OTC: variants seen among roughly 807,000 people sequenced by gnomAD.
The protein encoded by OTC is ornithine transcarbamylase, mitochondrial.
Under a neutral mutation model 30.3 loss-of-function variants are expected in OTC, and 3 were observed. The observed-to-expected ratio is 0.10, with a 90% confidence interval of 0.05 to 0.26. The LOEUF (loss-of-function observed/expected upper bound fraction) is 0.26, where lower values mean the gene tolerates loss of function less well. Among genes scored for constraint, OTC ranks in the 10% least tolerant of loss-of-function variants. OTC has a pLI of 1.00. For missense variants in OTC, 194 were observed against 260.3 expected (o/e 0.75, Z 1.75); for synonymous variants, 111 against 99.7 (o/e 1.11, Z -0.67).
At chrX:38,373,313 T>C (rs2068331355) in intron 3 of OTC, among the ~76,000 whole-genome samples, 2 of 112,350 alleles carry the variant, frequency 1.8e-5, no homozygotes, top group African/African-American at 6.5e-5. Context: ...ATGCGCTCTT[T>C]TGTGTCTGAC....
intron 1 of OTC, among the ~76,000 whole-genome samples, chrX:38,353,364 G>T (rs753018910): frequency 2.5e-3 from 247 of 100,527 alleles, no homozygotes; most frequent in Middle Eastern, 5.1e-3. Context: ...GCATGTGGTT[G>T]AAGATGGCAT....
At chrX:38,388,506 G>A (rs186784189) in intron 4 of OTC, among the ~76,000 whole-genome samples, 345 of 109,104 alleles carry the variant, frequency 3.2e-3, no homozygotes, top group Non-Finnish European at 5.3e-3. Flanking sequence ...CCACCTTCGC[G>A]TGACTCAGAT....
intron 1 of OTC, among the ~76,000 whole-genome samples, chrX:38,362,693 C>G (rs374194733): frequency 8.9e-6 from 1 of 111,865 alleles, no homozygotes; most frequent in Non-Finnish European, 1.9e-5. Context: ...CTTAATTTCA[C>G]TTCCAACTTA....
the OTC span, among the ~76,000 whole-genome samples, chrX:38,338,036 T>C: frequency 8.9e-6 from 1 of 112,145 alleles, no homozygotes; most frequent in Admixed American, 9.4e-5. Flanking sequence ...TTGGCATTCA[T>C]GGGGTCTTCT....
chrX:38,367,566 A>T, intron 2 of OTC, 137 bp downstream of exon 2: 1 of 544,589 alleles, frequency 1.8e-6, no homozygotes, highest in Non-Finnish European at 3.1e-6. Flanking sequence ...CAGTCAAGGT[A>T]ATTGATTATC....
Position 38,415,480 on chromosome X carries a change from A to G in OTC, c.1005+3481A>G, listed in dbSNP as rs1050388694. On this transcript the variant is annotated intron_variant, in intron 9 of 9. Coordinates refer to ENST00000039007, the MANE Select transcript of OTC (RefSeq NM_000531.6). ...TGTTCTAATACTTGTCTTCCTCCAG[A>G]CTACCCTATCCAATACAGTAGCCAG... 5.4e-5 allele frequency among the ~76,000 whole-genome samples: 6 copies of G among 111,529 alleles called. No homozygotes were observed. The Admixed American group carries it at 5.7e-4, about 11-fold the overall frequency.
intron 4 of OTC, among the ~76,000 whole-genome samples, chrX:38,388,593 C>A (rs775013981): frequency 9.0e-6 from 1 of 111,316 alleles, no homozygotes; most frequent in South Asian, 3.8e-4. Context: ...AGTTTCAAGG[C>A]TTTCTGTTTC....
chrX:38,332,469 G>C, the OTC span, among the ~76,000 whole-genome samples: 1 of 69,928 alleles, frequency 1.4e-5, no homozygotes, highest in East Asian at 4.5e-4. Flanking sequence ...TGATATATAT[G>C]ATGTGTATAT....
At chrX:38,399,013 A>G (rs2068471046) in intron 4 of OTC, among the ~76,000 whole-genome samples, 1 of 111,849 alleles carries the variant, frequency 8.9e-6, no homozygotes, top group South Asian at 3.8e-4. Flanking sequence ...CCTCCCTGCC[A>G]AGGATATTAT....
At chrX:38,344,240 TACACAC>T in the OTC span, among the ~76,000 whole-genome samples, 2 of 61,739 alleles carry the variant, frequency 3.2e-5, no homozygotes, top group Admixed American at 1.5e-4. Context: ...TATATATATA[TACACAC>T]ACACACACAC....
chrX:38,421,648 A>G (rs991916), downstream of OTC, among the ~76,000 whole-genome samples: 27,628 of 110,862 alleles, frequency 0.25, 2,810 homozygotes, highest in African/African-American at 0.33. Context: ...CCCAAACTCC[A>G]AAGTTTTTTC....
chrX:38,376,104 G>A (rs1327300019), intron 3 of OTC, among the ~76,000 whole-genome samples: 1 of 110,420 alleles, frequency 9.1e-6, no homozygotes, highest in Non-Finnish European at 1.9e-5. Context: ...ATGGAGTAAC[G>A]TGAAGGTCAC....
intron 1 of OTC, among the ~76,000 whole-genome samples, chrX:38,361,787 A>G (rs1444713560): frequency 8.9e-6 from 1 of 111,972 alleles, no homozygotes; most frequent in African/African-American, 3.2e-5. Flanking sequence ...AAAATACATC[A>G]GTTTTACTAT....
chrX:38,401,500 T>A, intron 5 of OTC, 72 bp downstream of exon 5: 3 of 837,282 alleles, frequency 3.6e-6, no homozygotes, highest in Non-Finnish European at 5.4e-6. Flanking sequence ...TGAAACAGTT[T>A]ACTTAAATCA....
chrX:38,373,355 T>C (rs1226973805), intron 3 of OTC, among the ~76,000 whole-genome samples: 2 of 112,572 alleles, frequency 1.8e-5, no homozygotes, highest in Admixed American at 1.9e-4. Context: ...GATGTATCGA[T>C]GTAGCTGTGT....
At chrX:38,373,441 T>C (rs1050009176) in intron 3 of OTC, among the ~76,000 whole-genome samples, 22 of 112,805 alleles carry the variant, frequency 2.0e-4, no homozygotes, top group African/African-American at 7.1e-4. Context: ...CTCCTATGAG[T>C]CTACCAATGA....
At chrX:38,387,196 T>C (rs780309813) in intron 4 of OTC, among the ~76,000 whole-genome samples, 1 of 111,827 alleles carries the variant, frequency 8.9e-6, no homozygotes, top group African/African-American at 3.3e-5. Context: ...TTTTGGACAT[T>C]AACCCCTTGT....
intron 1 of OTC, among the ~76,000 whole-genome samples, chrX:38,359,914 C>CTTT (rs57184116): frequency 0.33 from 30,794 of 94,220 alleles, 5,089 homozygotes; most frequent in Non-Finnish European, 0.46. Flanking sequence ...TTCTTTCTTT[C>CTTT]TTTTTTTTTT....
In OTC at chrX:38,419,871, G is replaced by A. The variant is rs185227457; in HGVS notation, c.1006-1152G>A. Reference sequence around the variant, plus strand: ...CCAGAGGATGGGGGATGGGAAGGAAGGCAATGGGGAGTTGTTGATCAAAGG... The same window carrying A: ...CCAGAGGATGGGGGATGGGAAGGAAAGCAATGGGGAGTTGTTGATCAAAGG... On this transcript the variant is annotated intron_variant, in intron 9 of 9. Transcript: ENST00000039007. Among the ~76,000 whole-genome samples, 351 of 111,252 alleles carry A rather than the reference G, an allele frequency of 3.2e-3. 2 individuals carry two copies. The highest frequency in any genetic ancestry group is 0.01 in the African/African-American group (315 of 30,713).
Sources: allele counts gnomAD v4.1 joint callset (sites outside exome capture counted in the v4.1 genomes callset), GRCh38; gene constraint gnomAD v4.1.1; transcripts MANE v1.5; gene names NCBI Gene and HGNC (gene_info 2026-07-23, HGNC 2026-07-21).